The following TSPAN14 variants were observed in gnomAD, a reference collection of about 807,000 sequenced individuals.
The protein encoded by TSPAN14 is tetraspanin-14.
TSPAN14 carries 16 observed loss-of-function variants against 36.6 expected under a neutral mutation model. The ratio of observed to expected loss-of-function variants is 0.44; its 90% CI spans 0.30 to 0.66. The LOEUF (loss-of-function observed/expected upper bound fraction) is 0.66, where lower values mean the gene tolerates loss of function less well. Among genes scored for constraint, TSPAN14 ranks in the 30% least tolerant of loss-of-function variants. The pLI, the probability that TSPAN14 is intolerant of heterozygous loss-of-function variation, is 0.12. For missense variants in TSPAN14, 231 were observed against 355.1 expected (o/e 0.65, Z 2.81); for synonymous variants, 139 against 143.8 (o/e 0.97, Z 0.24).
intron 1 of TSPAN14, among the ~76,000 whole-genome samples, chr10:80,470,265 G>A (rs992655436): frequency 2.0e-5 from 3 of 152,062 alleles, no homozygotes; most frequent in Non-Finnish European, 4.4e-5. Flanking sequence ...TTCTATTTTT[G>A]TTAGAGACTG....
intron 1 of TSPAN14, among the ~76,000 whole-genome samples, chr10:80,463,361 C>T (rs565313426): frequency 7.2e-5 from 11 of 152,328 alleles, no homozygotes; most frequent in Admixed American, 2.6e-4. Flanking sequence ...CAAAGATACA[C>T]GGTGAAAACT....
chr10:80,512,451 AC>A (rs530592570), intron 6 of TSPAN14, among the ~76,000 whole-genome samples, 182 bp downstream of exon 6: 101 of 152,326 alleles, frequency 6.6e-4, no homozygotes, highest in Non-Finnish European at 1.2e-3. Context: ...CATTCTAGGA[AC>A]ACTGCTTGCA....
intron 2 of TSPAN14, among the ~76,000 whole-genome samples, chr10:80,500,771 G>A (rs1848467147): frequency 6.6e-6 from 1 of 152,142 alleles, no homozygotes; most frequent in Non-Finnish European, 1.5e-5. Flanking sequence ...AACAGCAAGC[G>A]AGGGAGGGTG....
intron 1 of TSPAN14, among the ~76,000 whole-genome samples, chr10:80,474,419 T>A (rs1846735521): frequency 6.7e-6 from 1 of 149,862 alleles, no homozygotes; most frequent in South Asian, 2.1e-4. Context: ...AGACCTTCCC[T>A]GAGAGGTCAT....
chr10:80,481,999 CA>C (rs1242390333), intron 1 of TSPAN14, among the ~76,000 whole-genome samples: 4 of 152,044 alleles, frequency 2.6e-5, no homozygotes, highest in African/African-American at 9.7e-5. Flanking sequence ...GTGATCCTCC[CA>C]CCTCGGCCTT....
rs1224009252 is a variant in TSPAN14, at chr10:80,514,077, T to C, written c.621+14T>C. ...GTCAGGATTCAGGTGAGAACTCCCA[T>C]GTATACAACTTGAAGAGTTCTTTAG... On this transcript the variant is annotated intron_variant, in intron 7 of 8. Coordinates refer to ENST00000429989, the Ensembl canonical transcript of TSPAN14. 1 of 1,609,024 alleles carries C rather than the reference T, an allele frequency of 6.2e-7. No homozygotes were observed. Among genetic ancestry groups the C allele is most frequent in the Non-Finnish European group, 8.5e-7 (1 of 1,175,632 alleles).
chr10:80,508,644 G>A (rs977890053), intron 4 of TSPAN14, among the ~76,000 whole-genome samples: 6 of 152,138 alleles, frequency 3.9e-5, no homozygotes, highest in Admixed American at 1.3e-4. Flanking sequence ...TTATGCTGAC[G>A]ATCATATACT....
At chr10:80,499,811 T>C (rs1429318190) in intron 2 of TSPAN14, among the ~76,000 whole-genome samples, 1 of 152,226 alleles carries the variant, frequency 6.6e-6, no homozygotes, top group Non-Finnish European at 1.5e-5. Context: ...CATAGCAGTT[T>C]AGGTGCTCGC....
intron 4 of TSPAN14, among the ~76,000 whole-genome samples, chr10:80,507,896 A>G (rs1454452515): frequency 6.6e-6 from 1 of 152,122 alleles, no homozygotes; most frequent in Non-Finnish European, 1.5e-5. Context: ...GGTGGGGAAA[A>G]CACATTATCA....
chr10:80,507,259 G>C, exon 4 of TSPAN14: 1 of 1,614,206 alleles, frequency 6.2e-7, no homozygotes, highest in Non-Finnish European at 8.5e-7. Flanking sequence ...AAAGTGACCC[G>C]GATGCATGGA....
At chr10:80,497,962 C>G (rs1461408226) in intron 2 of TSPAN14, among the ~76,000 whole-genome samples, 1 of 152,186 alleles carries the variant, frequency 6.6e-6, no homozygotes, top group Non-Finnish European at 1.5e-5. Flanking sequence ...CTCTGTTTCC[C>G]TCTGTCATAA....
intron 5 of TSPAN14, among the ~76,000 whole-genome samples, chr10:80,511,712 CT>C (rs1840638407): frequency 1.1e-3 from 4 of 3,664 alleles, no homozygotes; most frequent in African/African-American, 8.1e-3. Flanking sequence ...AGGGCAGGTC[CT>C]CTCTCTCTCT....
exon 9 of TSPAN14, chr10:80,520,734 CTG>C (rs1321434668): frequency 3.7e-6 from 2 of 533,392 alleles, no homozygotes; most frequent in African/African-American, 3.8e-5. Flanking sequence ...TCTGGGCTGT[CTG>C]TACCCCTTCC....
chr10:80,511,762 C>CCCCTTTTT, intron 5 of TSPAN14, among the ~76,000 whole-genome samples: 1 of 133,640 alleles, frequency 7.5e-6, no homozygotes, highest in East Asian at 2.1e-4. Flanking sequence ...CTCTCTCTCT[C>CCCCTTTTT]TCTCTCTCTC....
chr10:80,500,618 C>T (rs767835085), intron 2 of TSPAN14, among the ~76,000 whole-genome samples: 28 of 151,988 alleles, frequency 1.8e-4, no homozygotes, highest in Non-Finnish European at 3.5e-4. Flanking sequence ...CCCAAAGTGC[C>T]GAGATTTCAG....
chr10:80,512,226 A>G, exon 6 of TSPAN14: 1 of 1,614,170 alleles, frequency 6.2e-7, no homozygotes, highest in Non-Finnish European at 8.5e-7. Context: ...TACAGCCGAG[A>G]GAAGTGCGGG....
At chr10:80,493,968 T>C (rs1848057218) in intron 2 of TSPAN14, among the ~76,000 whole-genome samples, 1 of 152,176 alleles carries the variant, frequency 6.6e-6, no homozygotes, top group African/African-American at 2.4e-5. Context: ...AACTCCAGGG[T>C]TGGTTTCCAA....
chr10:80,499,980 A>G (rs1272004990), intron 2 of TSPAN14, among the ~76,000 whole-genome samples: 1 of 152,204 alleles, frequency 6.6e-6, no homozygotes, highest in African/African-American at 2.4e-5. Context: ...ATTGGCAGCC[A>G]GGGCTCACAG....
At chr10:80,492,867 G>A (rs192120781) in intron 2 of TSPAN14, among the ~76,000 whole-genome samples, 7 of 152,094 alleles carry the variant, frequency 4.6e-5, no homozygotes, top group East Asian at 1.9e-4. Flanking sequence ...GATAAATACC[G>A]TTTGGTACCT....
Sources: gnomAD v4.1 joint callset for allele counts (sites outside exome capture counted in the v4.1 genomes callset) on GRCh38, gnomAD v4.1.1 for gene constraint, MANE v1.5 for transcripts, NCBI Gene and HGNC (gene_info 2026-07-23, HGNC 2026-07-21) for gene names.